Variants in ADGRG2 observed in about 807,000 individuals in gnomAD.
ADGRG2 encodes the protein adhesion G protein-coupled receptor G2.
In ADGRG2, 26 loss-of-function variants were observed where a neutral mutation model predicts 74.1. That is an observed-to-expected ratio of 0.35 (90% confidence interval 0.26 to 0.49). The LOEUF (loss-of-function observed/expected upper bound fraction) is 0.49, where lower values mean the gene tolerates loss of function less well. Ranked by LOEUF, ADGRG2 falls within the 20% of genes least tolerant of loss-of-function variation. ADGRG2 has a pLI of 0.99. For synonymous variants in ADGRG2, 296 were observed against 295.2 expected, an observed-to-expected ratio of 1.00 and a Z score of -0.03; for missense variants, 619 against 763.1, an observed-to-expected ratio of 0.81 and a Z score of 2.22.
chrX:19,052,991 G>A (rs909649588), intron 3 of ADGRG2, among the ~76,000 whole-genome samples: 3 of 111,541 alleles, frequency 2.7e-5, no homozygotes, highest in Non-Finnish European at 3.8e-5. Flanking sequence ...CACTGCACCC[G>A]GCCTCATCTT....
At chrX:19,085,652 G>A (rs2061924872) in intron 1 of ADGRG2, among the ~76,000 whole-genome samples, 1 of 111,517 alleles carries the variant, frequency 9.0e-6, no homozygotes, top group Admixed American at 9.6e-5. Context: ...ACAGTGACAA[G>A]GGTGGATGCA....
At chrX:19,014,453 A>T (rs2060425231) in intron 15 of ADGRG2, among the ~76,000 whole-genome samples, 1 of 111,843 alleles carries the variant, frequency 8.9e-6, no homozygotes, top group Non-Finnish European at 1.9e-5. Context: ...AATCTGTCTT[A>T]ATCAACTTTA....
rs1202948603 is a variant in ADGRG2, at chrX:19,009,670, A to T, written c.1378T>A (p.Phe460Ile). Reference protein sequence around the residue: ...LAVIRVNASSFNTTTFVAQDP... With the variant: ...LAVIRVNASSINTTTFVAQDP... ...TGGGCCACAAAGGTAGTTGTGTTGA[A>T]ACTACTGGCATTCACTCTGATCACA... The change falls in exon 18 of 29, where the codon TTC (phenylalanine) becomes ATC (isoleucine). Residue 460 changes from phenylalanine (F) to isoleucine (I), a missense_variant. This residue lies in a region of ADGRG2 where 221 missense variants were observed against 340.6 expected (regional missense o/e 0.65). Transcript: ENST00000379869. 8.3e-7 allele frequency: 1 copy of T among 1,207,974 alleles called. No individual in the cohort carries two copies. Among genetic ancestry groups the T allele is most frequent in the Non-Finnish European group, 1.1e-6 (1 of 891,865 alleles).
rs1225489257 is a variant in ADGRG2 at position 19,066,445 on chromosome X, C to CTTTTTTTTT, written c.118+2263_118+2271dup. Among the ~76,000 whole-genome samples, 10 of 39,943 alleles carry CTTTTTTTTT rather than the reference C, an allele frequency of 2.5e-4. 4 individuals carry two copies. Among genetic ancestry groups the CTTTTTTTTT allele is most frequent in the African/African-American group, 1.1e-3 (10 of 8,933 alleles). 34.7% of individuals were successfully genotyped at this position (39,943 alleles called of 115,157 possible). A position where few individuals can be genotyped will look rare whatever the true frequency, so the allele number is the denominator to read the frequency against. On this transcript the variant is annotated intron_variant, in intron 3 of 28. Transcript: ENST00000379869. ...AGTCCCATTCCTAATGAGGATGCTT[C>CTTTTTTTTT]TTTTTTTTTTTTTTTTTTTTTTTTT...
intron 15 of ADGRG2, among the ~76,000 whole-genome samples, chrX:19,017,545 A>G (rs2060494121): frequency 8.9e-6 from 1 of 112,066 alleles, no homozygotes; most frequent in Admixed American, 9.5e-5. Flanking sequence ...CAGAAACTCT[A>G]TCCCCAAAAT....
chrX:19,071,251 A>C (rs1015056170), intron 2 of ADGRG2, among the ~76,000 whole-genome samples: 1 of 111,992 alleles, frequency 8.9e-6, no homozygotes, highest in Admixed American at 9.5e-5. Context: ...TGCATATCTT[A>C]AATTAATAAA....
intron 3 of ADGRG2, among the ~76,000 whole-genome samples, chrX:19,048,012 A>C (rs1487616235): frequency 9.0e-6 from 1 of 111,096 alleles, no homozygotes; most frequent in Non-Finnish European, 1.9e-5. Flanking sequence ...AGCAATCCGC[A>C]GTTCTAGGTG....
At chrX:19,038,723 A>G (rs1436684060) in intron 4 of ADGRG2, among the ~76,000 whole-genome samples, 1 of 111,778 alleles carries the variant, frequency 8.9e-6, no homozygotes, top group East Asian at 2.8e-4. Flanking sequence ...CTTACCTTCC[A>G]GTTTGCACTG....
chrX:19,014,138 T>C lies in ADGRG2; in HGVS notation c.711-64A>G, dbSNP rs1282490105. The C allele has an allele frequency of 4.5e-6, 4 of 887,956 alleles. No homozygotes were observed. The African/African-American group carries it at 8.1e-5, about 18-fold the overall frequency. 73.2% of individuals were successfully genotyped at this position (887,956 alleles called of 1,213,427 possible). A position where few individuals can be genotyped will look rare whatever the true frequency, so the allele number is the denominator to read the frequency against. On this transcript the variant is annotated intron_variant, in intron 15 of 28. Transcript: ENST00000379869. ...ATGAGCTACAGAGGGGGCAAGTCTT[T>C]CCCCTCTGGCAATCATCTGACACCG...
chrX:19,023,613 A>G (rs1421322564), intron 12 of ADGRG2, among the ~76,000 whole-genome samples, 160 bp from the exon 13 acceptor site: 1 of 112,002 alleles, frequency 8.9e-6, no homozygotes, highest in Non-Finnish European at 1.9e-5. Flanking sequence ...CATATCATCA[A>G]CGCTCTTCAG....
chrX:19,038,644 T>C (rs190587536), intron 4 of ADGRG2, among the ~76,000 whole-genome samples: 139 of 111,802 alleles, frequency 1.2e-3, no homozygotes, highest in African/African-American at 4.5e-3. Context: ...TGTTGATGAA[T>C]GGTGACACTG....
At chrX:19,075,148 A>G (rs2061723545) in intron 2 of ADGRG2, among the ~76,000 whole-genome samples, 2 of 110,237 alleles carry the variant, frequency 1.8e-5, no homozygotes, top group East Asian at 2.8e-4. Context: ...GTGTCTCCAA[A>G]TGGGTGAAAA....
chrX:19,022,687 T>C (rs1003660181), intron 13 of ADGRG2, among the ~76,000 whole-genome samples: 1 of 111,712 alleles, frequency 9.0e-6, no homozygotes. Context: ...TTTGTTCTTT[T>C]CTCTTTCTTT....
intron 13 of ADGRG2, among the ~76,000 whole-genome samples, chrX:19,023,098 C>G (rs1467911106): frequency 9.0e-6 from 1 of 111,230 alleles, no homozygotes; most frequent in East Asian, 2.8e-4. Context: ...CTTCACCCTG[C>G]CTGGACCACT....
intron 1 of ADGRG2, among the ~76,000 whole-genome samples, chrX:19,114,140 G>T (rs1487410643): frequency 6.5e-5 from 7 of 106,969 alleles, no homozygotes; most frequent in Non-Finnish European, 1.2e-4. Flanking sequence ...GGGACCCAGA[G>T]CCCAGAAAAG....
At chrX:19,037,106 T>C (rs139811827) in intron 6 of ADGRG2, among the ~76,000 whole-genome samples, 1,537 of 112,634 alleles carry the variant, frequency 0.014, 23 homozygotes, top group African/African-American at 0.046. Flanking sequence ...AAATCCATGC[T>C]GAATCATATT....
chrX:19,061,160 T>C (rs1445181011), intron 3 of ADGRG2, among the ~76,000 whole-genome samples: 2 of 111,813 alleles, frequency 1.8e-5, no homozygotes, highest in Non-Finnish European at 3.8e-5. Context: ...CACTGAAGTC[T>C]ATACAGAAGT....
chrX:19,109,404 T>C (rs2062373594), intron 1 of ADGRG2, among the ~76,000 whole-genome samples: 1 of 111,892 alleles, frequency 8.9e-6, no homozygotes, highest in African/African-American at 3.2e-5. Context: ...TAAAATCCAC[T>C]ACAAGAGCTT....
intron 11 of ADGRG2, 143 bp from the exon 12 acceptor site, chrX:19,024,091 G>C (rs1427131437): frequency 1.1e-5 from 5 of 448,460 alleles, no homozygotes; most frequent in Non-Finnish European, 2.0e-5. Flanking sequence ...AGTATAATAA[G>C]AGAGTCCTAT....
Sources: allele counts gnomAD v4.1 joint callset (sites outside exome capture counted in the v4.1 genomes callset), GRCh38; gene constraint gnomAD v4.1.1; regional missense constraint gnomAD v4.1.1; transcripts MANE v1.5; gene names NCBI Gene and HGNC (gene_info 2026-07-23, HGNC 2026-07-21).